LTF: variants seen among roughly 807,000 people sequenced by gnomAD.
LTF encodes the protein epididymis luminal protein 110.
LTF carries 91 observed loss-of-function variants against 87.2 expected under a neutral mutation model. That is an observed-to-expected ratio of 1.04 (90% CI 0.88 to 1.24). LTF has a LOEUF of 1.24. LTF is among the 50% of genes most tolerant of loss of function. LTF has a pLI of 0.00. For synonymous variants in LTF, 378 were observed against 356.1 expected, an observed-to-expected ratio of 1.06 and a Z score of -0.69; for missense variants, 901 against 904.3, an observed-to-expected ratio of 1.00 and a Z score of 0.05.
At chr3:46,475,164 C>T (rs1703343637) in intron 1 of LTF, among the ~76,000 whole-genome samples, 2 of 152,158 alleles carry the variant, frequency 1.3e-5, no homozygotes, top group South Asian at 4.1e-4. Context: ...TCTCTACACA[C>T]ATACATTTGA....
At position 46,443,666 on chromosome 3, in the gene LTF, T is replaced by C. The variant is rs1425781651; in HGVS notation, c.1514-84A>G. On this transcript the variant is annotated intron_variant, in intron 12 of 16. Transcript: ENST00000231751. The stretch of plus-strand genomic sequence containing the variant: ...TTACCTAACAGCCGATGCAGGGTGG[T>C]TTCAGTTCATTAGACTTCCCAGGAC... 3.6e-6 allele frequency: 5 copies of C among 1,386,430 alleles called. No individual in the cohort carries two copies. In the Admixed American group the frequency reaches 8.6e-5, roughly 24 times the overall value. The allele number at this position is 1,386,430 out of a possible 1,614,324, so 85.9% of individuals were successfully genotyped here. A position where few individuals can be genotyped will look rare whatever the true frequency, so the allele number is the denominator to read the frequency against.
chr3:46,440,395 A>G (rs1702490545), intron 14 of LTF, among the ~76,000 whole-genome samples: 1 of 152,248 alleles, frequency 6.6e-6, no homozygotes, highest in South Asian at 2.1e-4. Flanking sequence ...TTCTAACAAA[A>G]TACAGTTGTA....
intron 2 of LTF, among the ~76,000 whole-genome samples, chr3:46,457,660 C>T (rs909989323): frequency 6.6e-6 from 1 of 152,226 alleles, no homozygotes; most frequent in Non-Finnish European, 1.5e-5. Context: ...ACAAATCGCT[C>T]AGGTCTGATT....
At chr3:46,437,548 C>T (rs1185154354) in intron 16 of LTF, among the ~76,000 whole-genome samples, 1 of 152,024 alleles carries the variant, frequency 6.6e-6, no homozygotes, top group East Asian at 1.9e-4. Context: ...GTCTCAAACT[C>T]CCGGGCTCAA....
intron 6 of LTF, among the ~76,000 whole-genome samples, chr3:46,451,589 C>T (rs1433549468): frequency 6.6e-6 from 1 of 151,844 alleles, no homozygotes; most frequent in Non-Finnish European, 1.5e-5. Context: ...TAGATAGAAT[C>T]GGTAAAGTTT....
intron 1 of LTF, among the ~76,000 whole-genome samples, chr3:46,478,506 G>C (rs1703392287): frequency 6.6e-6 from 1 of 152,212 alleles, no homozygotes; most frequent in South Asian, 2.1e-4. Flanking sequence ...AGGGACCAAA[G>C]GGTGAGGCCA....
rs202165899 is a variant in LTF at position 46,445,402 on chromosome 3, G to A, written c.1392C>T (p.Asp464=). ...TCACAGAGTTCCAGGTAAGGCTAGT[G>A]TCTGATCTCCTAACCACCGCCACAG... ...YLAVAVVRRS[D]TSLTWNSVKG... The change falls in exon 12 of 17, where the codon GAC becomes GAT. Residue 464 remains aspartate, a synonymous_variant. Coordinates refer to ENST00000231751, the MANE Select transcript of LTF (RefSeq NM_002343.6). 5 of 1,613,736 alleles carry A rather than the reference G, an allele frequency of 3.1e-6. No homozygotes were observed. The highest frequency in any genetic ancestry group is 4.2e-6 in the Non-Finnish European group (5 of 1,179,820).
At chr3:46,442,287 G>A (rs1366172534) in intron 13 of LTF, among the ~76,000 whole-genome samples, 1 of 152,050 alleles carries the variant, frequency 6.6e-6, no homozygotes, top group Non-Finnish European at 1.5e-5. Flanking sequence ...TACAGAGTCA[G>A]CAGAAAGTTA....
rs372390553 is a variant in LTF, at chr3:46,447,402, C to T, written c.1213-4G>A. On this transcript the variant is annotated splice_region_variant and splice_polypyrimidine_tract_variant and intron_variant, in intron 9 of 16. Transcript: ENST00000231751. ...TCATGGCATCAGCTTCTCCTTTCTG[C>T]AAAGACAGAGCAGATCTCCAGCACC... 3.7e-6 allele frequency: 6 copies of T among 1,608,078 alleles called. No individual in the cohort carries two copies. The highest frequency in any genetic ancestry group is 5.1e-6 in the Non-Finnish European group (6 of 1,174,678).
At chr3:46,441,648 G>A in intron 13 of LTF, 165 bp from the exon 14 acceptor site, 1 of 583,616 alleles carries the variant, frequency 1.7e-6, no homozygotes, top group South Asian at 2.4e-5. Flanking sequence ...GAACACAGGT[G>A]TACCTGCCCT....
chr3:46,483,173 G>C (rs922781052), intron 1 of LTF, among the ~76,000 whole-genome samples: 2 of 152,210 alleles, frequency 1.3e-5, no homozygotes, highest in African/African-American at 4.8e-5. Context: ...GAATGCAAGG[G>C]AAAGGGAAAT....
At chr3:46,464,197 G>A (rs1382749905) in intron 1 of LTF, among the ~76,000 whole-genome samples, 1 of 152,270 alleles carries the variant, frequency 6.6e-6, no homozygotes, top group Admixed American at 6.5e-5. Flanking sequence ...TTATGGAACT[G>A]ACAATTGTTT....
At chr3:46,476,596 A>G (rs1703361930) in intron 1 of LTF, among the ~76,000 whole-genome samples, 1 of 152,344 alleles carries the variant, frequency 6.6e-6, no homozygotes, top group African/African-American at 2.4e-5. Context: ...CAAATCATAC[A>G]TGTAGAGTTT....
At chr3:46,479,211 G>A (rs554737310) in intron 1 of LTF, among the ~76,000 whole-genome samples, 8 of 152,242 alleles carry the variant, frequency 5.3e-5, no homozygotes, top group Non-Finnish European at 1.2e-4. Context: ...CTGGAGGAGG[G>A]GCAGCCTGAC....
upstream of LTF, chr3:46,465,150 A>G: frequency 4.0e-6 from 2 of 504,882 alleles, no homozygotes; most frequent in Non-Finnish European, 3.5e-6. Flanking sequence ...CTAGTCTGCA[A>G]GCCCCTAGGA....
At chr3:46,445,194 C>G in intron 12 of LTF, 87 bp downstream of exon 12, 2 of 1,337,092 alleles carry the variant, frequency 1.5e-6, no homozygotes, top group Non-Finnish European at 2.0e-6. Flanking sequence ...GCCTGCAAAT[C>G]CCCTCCCCTC....
chr3:46,463,154 C>T (rs1349120596), intron 1 of LTF, among the ~76,000 whole-genome samples: 1 of 152,170 alleles, frequency 6.6e-6, no homozygotes, highest in Non-Finnish European at 1.5e-5. Context: ...AATCTTCAAC[C>T]CCACACTTGT....
intron 1 of LTF, among the ~76,000 whole-genome samples, chr3:46,462,495 A>G (rs1703107854): frequency 6.6e-6 from 1 of 152,190 alleles, no homozygotes; most frequent in Admixed American, 6.5e-5. Flanking sequence ...CAACCTAAGC[A>G]GTCAGGCACT....
chr3:46,456,265 C>T, intron 3 of LTF, 25 bp downstream of exon 3: 1 of 1,605,530 alleles, frequency 6.2e-7, no homozygotes, highest in Non-Finnish European at 8.5e-7. Flanking sequence ...CCACCGTGGC[C>T]TCTGGGTCCC....
Sources: gnomAD v4.1 joint callset for allele counts (sites outside exome capture counted in the v4.1 genomes callset) on GRCh38, gnomAD v4.1.1 for gene constraint, MANE v1.5 for transcripts, NCBI Gene and HGNC (gene_info 2026-07-23, HGNC 2026-07-21) for gene names.